Variants in DGLUCY observed in about 807,000 individuals in gnomAD.
The protein encoded by DGLUCY is D-glutamate cyclase, mitochondrial.
DGLUCY carries 58 observed loss-of-function variants against 58.5 expected under a neutral mutation model. That is an observed-to-expected ratio of 0.99 (90% CI 0.80 to 1.23). The LOEUF is 1.23. Among genes scored for constraint, DGLUCY ranks in the 50% most tolerant of loss-of-function variants. The pLI is 0.00. For synonymous variants in DGLUCY, 325 were observed against 314.1 expected (o/e 1.03, Z -0.37); for missense variants, 779 against 784.7 (o/e 0.99, Z 0.09).
chr14:91,060,414 G>A, exon 1 of DGLUCY: 2 of 1,503,354 alleles, frequency 1.3e-6, no homozygotes, highest in South Asian at 1.3e-5. Flanking sequence ...CGCCGCCGCT[G>A]CTGCCACCCT....
intron 13 of DGLUCY, among the ~76,000 whole-genome samples, chr14:91,220,106 G>A (rs1216967734): frequency 6.6e-6 from 1 of 152,176 alleles, no homozygotes; most frequent in Non-Finnish European, 1.5e-5. Context: ...TGTTTCCTAG[G>A]ACCAAGTCCT....
intron 1 of DGLUCY, chr14:91,128,848 A>C (rs968406237): frequency 5.9e-5 from 9 of 152,096 alleles, no homozygotes; most frequent in Non-Finnish European, 1.0e-4. Flanking sequence ...ATAACCACCG[A>C]GGCCAGATGA....
chr14:91,212,769 G>GAGGC (rs1885884754), intron 12 of DGLUCY, among the ~76,000 whole-genome samples: 1 of 151,002 alleles, frequency 6.6e-6, no homozygotes, highest in Non-Finnish European at 1.5e-5. Flanking sequence ...TTGGGAAGCT[G>GAGGC]AGGCAGGCAG....
At chr14:91,085,257 G>A (rs1311995953) in intron 1 of DGLUCY, among the ~76,000 whole-genome samples, 1 of 149,502 alleles carries the variant, frequency 6.7e-6, no homozygotes, top group East Asian at 2.0e-4. Flanking sequence ...CAGAGCTGTT[G>A]ATTGCTCTCT....
At chr14:91,060,432 C>A in exon 1 of DGLUCY, 1 of 1,480,574 alleles carries the variant, frequency 6.8e-7, no homozygotes, top group Non-Finnish European at 9.0e-7. Context: ...CCTCCTCCTC[C>A]ATCTTCTCCT....
Position 91,133,383 on chromosome 14 carries a change from C to T in DGLUCY, c.-82+19100C>T, listed in dbSNP as rs115784809. ...GTCTGTATATACCAAATTTGTTTATCTATTCATCCATCAGTGGACATTGGC... is the reference window on the plus strand; with the variant it reads ...GTCTGTATATACCAAATTTGTTTATTTATTCATCCATCAGTGGACATTGGC... On this transcript the variant is annotated intron_variant, in intron 1 of 13. Transcript: ENST00000256324. 2.6e-3 allele frequency among the ~76,000 whole-genome samples: 392 copies of T among 152,248 alleles called. 4 individuals carry two copies. Among genetic ancestry groups the T allele is most frequent in the African/African-American group, 9.2e-3 (383 of 41,546 alleles).
chr14:91,190,407 G>A (rs2049812662), intron 9 of DGLUCY, among the ~76,000 whole-genome samples: 1 of 152,184 alleles, frequency 6.6e-6, no homozygotes, highest in Admixed American at 6.5e-5. Context: ...TGCACAGTGT[G>A]TTCGAGTGAT....
In DGLUCY at chr14:91,205,754, CTCTTCTTCTTCTTCTTCT is replaced by C. The variant is rs34299453; in HGVS notation, c.1564+954_1564+971del. 4.0e-3 allele frequency among the ~76,000 whole-genome samples: 524 copies of C among 129,826 alleles called. 1 individual carries two copies. Among genetic ancestry groups the C allele is most frequent in the Non-Finnish European group, 5.5e-3 (347 of 62,542 alleles). The allele number at this position is 129,826 out of a possible 152,430, so 85.2% of individuals were successfully genotyped here. On this transcript the variant is annotated intron_variant, in intron 12 of 13. Coordinates refer to ENST00000256324, the MANE Select transcript of DGLUCY (RefSeq NM_001102368.3). The stretch of plus-strand genomic sequence containing the variant: ...TCATTTTCAAGTAGGCCAGGGCATT[CTCTTCTTCTTCTTCTTCT>C]TCTTCTTCTTCTTCTTCTTCTTCTC...
rs557563123 is a variant in DGLUCY, at chr14:91,102,226, T to C, written c.-82+41522T>C. Among the ~76,000 whole-genome samples the C allele has an allele frequency of 2.6e-5, 4 of 152,218 alleles. No homozygotes were observed. In the East Asian group the frequency reaches 7.7e-4, roughly 29 times the overall value. ...TTTAAAAAATAAATCACCAGAGATT[T>C]TCTAATTTGACTTTCAGGCTCCAAT... On this transcript the variant is annotated intron_variant, in intron 1 of 4. Transcript: ENST00000521334.
intron 4 of DGLUCY, among the ~76,000 whole-genome samples, 195 bp from the exon 5 acceptor site, chr14:91,169,808 A>G (rs943978335): frequency 1.3e-5 from 2 of 151,252 alleles, no homozygotes; most frequent in African/African-American, 2.4e-5. Flanking sequence ...TGCTGATTTA[A>G]TCGTTTCCGA....
chr14:91,117,107 C>G (rs1418608277), intron 1 of DGLUCY, among the ~76,000 whole-genome samples: 2 of 152,178 alleles, frequency 1.3e-5, no homozygotes. Flanking sequence ...GGGTTTCTCT[C>G]CTCTTTACAC....
upstream of DGLUCY, among the ~76,000 whole-genome samples, chr14:91,109,312 C>G (rs1379102097): frequency 6.6e-6 from 1 of 152,164 alleles, no homozygotes; most frequent in Non-Finnish European, 1.5e-5. Flanking sequence ...TCTGCTCCAA[C>G]AGCAGCGTGG....
At chr14:91,216,741 C>T (rs1886581820) in intron 13 of DGLUCY, among the ~76,000 whole-genome samples, 1 of 152,096 alleles carries the variant, frequency 6.6e-6, no homozygotes, top group Admixed American at 6.6e-5. Context: ...CCCTGAGAGG[C>T]AGCAGCAGGT....
chr14:91,169,676 C>CTGG (rs1027712663), intron 4 of DGLUCY, among the ~76,000 whole-genome samples: 1 of 151,430 alleles, frequency 6.6e-6, no homozygotes, highest in African/African-American at 2.4e-5. Context: ...TCCCAAAGTG[C>CTGG]TGGGATTACA....
chr14:91,060,634 A>G, exon 1 of DGLUCY: 1 of 661,578 alleles, frequency 1.5e-6, no homozygotes, highest in Non-Finnish European at 2.1e-6. Context: ...GGGCACCGCT[A>G]GTACCGCGCA....
At chr14:91,159,941 G>A (rs1384579755) in intron 2 of DGLUCY, among the ~76,000 whole-genome samples, 2 of 152,120 alleles carry the variant, frequency 1.3e-5, no homozygotes, top group African/African-American at 2.4e-5. Context: ...AATAGGCCAC[G>A]GTGCCTCCTG....
intron 1 of DGLUCY, among the ~76,000 whole-genome samples, chr14:91,086,811 T>A (rs9972226): frequency 0.058 from 8,775 of 152,256 alleles, 324 homozygotes; most frequent in African/African-American, 0.11. Flanking sequence ...TAGAGTGCAA[T>A]GGCTCGATCT....
rs1482530274 is a variant in DGLUCY, at chr14:91,085,152, G to T, written c.-82+24448G>T. 2.7e-5 allele frequency among the ~76,000 whole-genome samples: 4 copies of T among 149,774 alleles called. No homozygotes were observed. In the Admixed American group the frequency reaches 2.7e-4, roughly 10 times the overall value. On this transcript the variant is annotated intron_variant, in intron 1 of 4. Coordinates refer to the DGLUCY transcript ENST00000521334. ...TAGGAGGATTGCTTGAACCCAGGAG[G>T]TTGAGGCTTCAGTGAGCCATGTTCA...
At chr14:91,216,904 A>G (rs1397168441) in intron 13 of DGLUCY, among the ~76,000 whole-genome samples, 1 of 152,242 alleles carries the variant, frequency 6.6e-6, no homozygotes, top group Admixed American at 6.5e-5. Flanking sequence ...GGAAAATGCA[A>G]AAGAGAGGTG....
Sources: gnomAD v4.1 joint callset for allele counts (sites outside exome capture counted in the v4.1 genomes callset) on GRCh38, gnomAD v4.1.1 for gene constraint, MANE v1.5 for transcripts, NCBI Gene and HGNC (gene_info 2026-07-23, HGNC 2026-07-21) for gene names.